ZNF718: variants seen among roughly 807,000 people sequenced by gnomAD.
ZNF718 encodes zinc finger protein 718.
Under a neutral mutation model 2.6 loss-of-function variants are expected in ZNF718, and 3 were observed. That is an observed-to-expected ratio of 1.16 (90% CI 0.53 to 3.01). The LOEUF is 3.01. ZNF718 is among the 30% of genes most tolerant of loss of function. The pLI is 0.03. For missense variants in ZNF718, 468 were observed against 230.0 expected, an observed-to-expected ratio of 2.03 and a Z score of -6.69; for synonymous variants, 135 against 77.9, an observed-to-expected ratio of 1.73 and a Z score of -3.86.
chr4:144,913 C>G (rs551654977), intron 3 of ZNF718, among the ~76,000 whole-genome samples: 3 of 150,424 alleles, frequency 2.0e-5, no homozygotes, highest in African/African-American at 7.4e-5. Context: ...AATATAAGAC[C>G]CCATCATATG....
intron 3 of ZNF718, among the ~76,000 whole-genome samples, chr4:181,416 T>C (rs144677359): frequency 0.014 from 2,064 of 152,112 alleles, 22 homozygotes; most frequent in Non-Finnish European, 0.021. Context: ...TATGATAATT[T>C]TAACTTTTAA....
chr4:151,715 G>T (rs1464756528), intron 3 of ZNF718, among the ~76,000 whole-genome samples: 2 of 152,054 alleles, frequency 1.3e-5, no homozygotes, highest in East Asian at 3.9e-4. Flanking sequence ...CCTAACCTCA[G>T]GTAATCCACC....
chr4:124,575 G>A lies in ZNF718; in HGVS notation c.-96G>A, dbSNP rs146810611. On this transcript the variant is annotated 5_prime_UTR_variant, in exon 1 of 4. Transcript: ENST00000510175. ...TGCTCCCGCTCCTTAGGGAAGCCTC[G>A]GTGATTCTGCCACAGCCTCAGCCTC... 1.3e-6 allele frequency: 2 copies of A among 1,552,834 alleles called. No homozygotes were observed. The highest frequency in any genetic ancestry group is 4.5e-5 in the East Asian group (2 of 44,118).
At chr4:146,075 TTC>T (rs587626646) in intron 3 of ZNF718, among the ~76,000 whole-genome samples, 1,140 of 85,102 alleles carry the variant, frequency 0.013, 10 homozygotes, top group Non-Finnish European at 0.02. Context: ...TGATATAGCC[TTC>T]TATATATATA....
At position 162,045 on chromosome 4, in the gene ZNF718, A is replaced by C. The variant is rs1348271892; in HGVS notation, c.1360A>C (p.Lys454Gln). The C allele has an allele frequency of 7.7e-6, 6 of 777,260 alleles. No individual in the cohort carries two copies. Among genetic ancestry groups the C allele is most frequent in the Non-Finnish European group, 1.4e-5 (6 of 416,088 alleles). 48.1% of individuals were successfully genotyped at this position (777,260 alleles called of 1,614,324 possible). Residue 454 changes from lysine to glutamine, a missense_variant, in exon 4 of 4, where the codon AAA becomes CAA. Physicochemically the swap from Lys to Gln is moderately conservative, Grantham distance 53. Transcript: ENST00000510175. ...CACTGTAGATAAACCCTACAAATGT[A>C]AAGAATGCGGGAAAGCTTTTAAGCA... ...IHTVDKPYKC[K>Q]ECGKAFKQYS...
chr4:194,985 C>A lies in ZNF718; in HGVS notation c.227-6096C>A, dbSNP rs186821989. ...TGCTCACCAATGTAGCAGTCCTGCACCCCTTTTCCTGCCTTTCTTGACCAC... is the reference window on the plus strand; with the variant it reads ...TGCTCACCAATGTAGCAGTCCTGCAACCCTTTTCCTGCCTTTCTTGACCAC... On this transcript the variant is annotated intron_variant and NMD_transcript_variant, in intron 3 of 4. Coordinates refer to the ZNF718 transcript ENST00000642529. Among the ~76,000 whole-genome samples the A allele has an allele frequency of 8.5e-3, 1,290 of 152,248 alleles. 17 individuals carry two copies. The highest frequency in any genetic ancestry group is 0.061 in the Middle Eastern group (18 of 294).
chr4:131,745 C>T lies in ZNF718; in HGVS notation c.226+240C>T, dbSNP rs1356718331. Among the ~76,000 whole-genome samples the T allele has an allele frequency of 4.9e-5, 5 of 101,966 alleles. 2 individuals are homozygous for T. The highest frequency in any genetic ancestry group is 2.1e-4 in the Admixed American group (2 of 9,452). The allele number at this position is 101,966 out of a possible 152,430, so 66.9% of individuals were successfully genotyped here. A position where few individuals can be genotyped will look rare whatever the true frequency, so the allele number is the denominator to read the frequency against. The stretch of plus-strand genomic sequence containing the variant: ...AAAATTAGCCGGGTGTGGTGGCGGG[C>T]GCCTGTAATCCCAGCTACTTGGGAG... On this transcript the variant is annotated intron_variant, in intron 3 of 3. Coordinates refer to ENST00000510175, the MANE Select transcript of ZNF718 (RefSeq NM_001039127.6).
chr4:161,852 C>T lies in ZNF718; in HGVS notation c.1167C>T (p.His389=). The T allele has an allele frequency of 1.3e-6, 1 of 780,676 alleles. No individual in the cohort carries two copies. The highest frequency in any genetic ancestry group is 2.4e-6 in the Non-Finnish European group (1 of 417,962). 48.4% of individuals were successfully genotyped at this position (780,676 alleles called of 1,614,324 possible). ...SSTLNVHKRI[H]SGKNPYKCED... is the part of the protein sequence containing the mutation. Reference sequence around the variant, plus strand: ...CCCTTAATGTACACAAGAGAATTCACTCTGGAAAAAATCCCTACAAATGTG... The same window carrying T: ...CCCTTAATGTACACAAGAGAATTCATTCTGGAAAAAATCCCTACAAATGTG... Residue 389 remains histidine (H), a synonymous_variant, in exon 4 of 4, where the codon CAC becomes CAT. Transcript: ENST00000510175.
exon 5 of ZNF718, chr4:201,984 G>A (rs1553822862): frequency 6.0e-6 from 1 of 165,608 alleles, no homozygotes; most frequent in Non-Finnish European, 1.3e-5. Context: ...TAACTTTGTT[G>A]GATGCCTAGT....
At chr4:199,267 C>T (rs1717852390) in intron 3 of ZNF718, among the ~76,000 whole-genome samples, 1 of 152,222 alleles carries the variant, frequency 6.6e-6, no homozygotes, top group Admixed American at 6.5e-5. Flanking sequence ...GTACCCTTCA[C>T]ATTCTGTGCA....
At chr4:126,133 A>G (rs1462538702) in intron 1 of ZNF718, among the ~76,000 whole-genome samples, 1 of 152,016 alleles carries the variant, frequency 6.6e-6, no homozygotes, top group East Asian at 1.9e-4. Flanking sequence ...CTTCCCCACA[A>G]ATCCTCTTTT....
intron 3 of ZNF718, among the ~76,000 whole-genome samples, chr4:178,156 T>TG (rs1717386989): frequency 6.6e-6 from 1 of 151,382 alleles, no homozygotes; most frequent in South Asian, 2.1e-4. Context: ...TTTTTTTTTT[T>TG]GAGACAAGAT....
Position 161,834 on chromosome 4 carries a change from T to C in ZNF718, c.1149T>C (p.Asn383=), listed in dbSNP as rs61739357. ...CCTTTAATTGGTCCTCAACCCTTAA[T>C]GTACACAAGAGAATTCACTCTGGAA... The part of the protein sequence containing the change: ...GKAFNWSSTL[N]VHKRIHSGKN... The change falls in exon 4 of 4, where the codon AAT becomes AAC. Residue 383 remains asparagine, a synonymous_variant. Coordinates refer to ENST00000510175, the MANE Select transcript of ZNF718 (RefSeq NM_001039127.6). 1,988 of 780,840 alleles carry C rather than the reference T, an allele frequency of 2.5e-3. 3 individuals carry two copies. Among genetic ancestry groups the C allele is most frequent in the Middle Eastern group, 7.0e-3 (31 of 4,438 alleles). The allele number at this position is 780,840 out of a possible 1,614,324, so 48.4% of individuals were successfully genotyped here.
At position 186,258 on chromosome 4, in the gene ZNF718, A is replaced by G. The variant is rs141017472; in HGVS notation, c.227-14823A>G. The stretch of plus-strand genomic sequence containing the variant: ...CACTTATGAAGCTTAACTTAGCCAG[A>G]TATGAAATTCTGGGTTGGAATTTCT... On this transcript the variant is annotated intron_variant and NMD_transcript_variant, in intron 3 of 4. Transcript: ENST00000642529. 1.8e-3 allele frequency among the ~76,000 whole-genome samples: 276 copies of G among 152,254 alleles called. 1 individual carries two copies. Among genetic ancestry groups the G allele is most frequent in the African/African-American group, 5.9e-3 (246 of 41,536 alleles).
intron 3 of ZNF718, among the ~76,000 whole-genome samples, chr4:135,549 G>A (rs1202043732): frequency 5.9e-5 from 9 of 151,720 alleles, no homozygotes; most frequent in African/African-American, 2.2e-4. Context: ...ATCTCAGTGA[G>A]CAGAGGGATG....
At chr4:172,058 G>T (rs1717247737) in intron 3 of ZNF718, among the ~76,000 whole-genome samples, 1 of 152,156 alleles carries the variant, frequency 6.6e-6, no homozygotes, top group Non-Finnish European at 1.5e-5. Context: ...ATGCAGAATA[G>T]TCTATATTCT....
intron 1 of ZNF718, among the ~76,000 whole-genome samples, chr4:128,508 C>T (rs1485455540): frequency 1.9e-5 from 2 of 103,024 alleles, no homozygotes; most frequent in African/African-American, 6.8e-5. Context: ...CTTCTTCTTA[C>T]CTCAGAGTTA....
At chr4:125,152 G>C (rs1266647699) in intron 1 of ZNF718, 1 of 155,704 alleles carries the variant, frequency 6.4e-6, no homozygotes, top group African/African-American at 2.4e-5. Flanking sequence ...AGGAAGCGAA[G>C]CAAATCACCT....
intron 3 of ZNF718, among the ~76,000 whole-genome samples, chr4:199,723 G>T (rs1717862171): frequency 6.6e-6 from 1 of 152,174 alleles, no homozygotes; most frequent in African/African-American, 2.4e-5. Flanking sequence ...CTTTCATTTG[G>T]CTCAGTGACT....
Sources: allele counts gnomAD v4.1 joint callset (sites outside exome capture counted in the v4.1 genomes callset), GRCh38; gene constraint gnomAD v4.1.1; transcripts MANE v1.5; gene names NCBI Gene and HGNC (gene_info 2026-07-23, HGNC 2026-07-21).